Variants in SLC2A9 observed in about 807,000 individuals in gnomAD.
SLC2A9 encodes solute carrier family 2 member 9, also known as solute carrier family 2, facilitated glucose transporter member 9.
A neutral mutation model predicts 50.6 loss-of-function variants in SLC2A9; 39 were observed. The ratio of observed to expected loss-of-function variants is 0.77; its 90% CI spans 0.60 to 1.01. The LOEUF is 1.01. SLC2A9 is among the 50% of genes least tolerant of loss of function. The pLI, the probability that SLC2A9 is intolerant of heterozygous loss-of-function variation, is 0.00. For missense variants in SLC2A9, 686 were observed against 677.6 expected (o/e 1.01, Z -0.14); for synonymous variants, 324 against 276.9 (o/e 1.17, Z -1.69).
At chr4:9,928,670 G>C (rs2110145647) in intron 6 of SLC2A9, among the ~76,000 whole-genome samples, 1 of 152,298 alleles carries the variant, frequency 6.6e-6, no homozygotes, top group Non-Finnish European at 1.5e-5. Flanking sequence ...GGAGGTGGAG[G>C]TTGCAGTGAG....
At chr4:9,898,587 C>T (rs1739009128) in intron 8 of SLC2A9, among the ~76,000 whole-genome samples, 1 of 152,244 alleles carries the variant, frequency 6.6e-6, no homozygotes, top group South Asian at 2.1e-4. Context: ...TTCCCTGTGC[C>T]AGGGTGAGCC....
intron 4 of SLC2A9, 121 bp from the exon 5 acceptor site, chr4:9,980,858 C>T: frequency 7.6e-7 from 1 of 1,308,208 alleles, no homozygotes; most frequent in Non-Finnish European, 1.1e-6. Context: ...GTAGCCACGG[C>T]ATTTTTCCCA....
intron 3 of SLC2A9, among the ~76,000 whole-genome samples, chr4:9,987,989 C>G (rs781537458): frequency 3.3e-5 from 5 of 152,214 alleles, no homozygotes; most frequent in Non-Finnish European, 4.4e-5. Context: ...GCGTTTCCCC[C>G]CTGGGGGAGA....
rs188661787 is a variant in SLC2A9, at chr4:9,952,902, G to A, written c.682-10857C>T. ...CAGAGCTGTTTTGGAAGAGATTTCT[G>A]CATTCCAGAAGCGGTCGGGTCATTT... is the stretch of plus-strand genomic sequence containing the variant. On this transcript the variant is annotated intron_variant, in intron 5 of 11. Transcript: ENST00000264784. Among the ~76,000 whole-genome samples the A allele has an allele frequency of 3.0e-4, 45 of 152,286 alleles. No homozygotes were observed. The East Asian group carries it at 8.3e-3, about 28-fold the overall frequency.
At chr4:9,955,656 A>C (rs935135279) in intron 5 of SLC2A9, among the ~76,000 whole-genome samples, 1 of 151,996 alleles carries the variant, frequency 6.6e-6, no homozygotes, top group Non-Finnish European at 1.5e-5. Context: ...CTCTTGCCTC[A>C]GTCTCTCCCT....
chr4:9,859,513 G>T (rs1416060729), intron 10 of SLC2A9, among the ~76,000 whole-genome samples: 1 of 152,214 alleles, frequency 6.6e-6, no homozygotes, highest in South Asian at 2.1e-4. Context: ...TTGATAAATG[G>T]TTTTTCTCCT....
chr4:9,913,126 T>A (rs1273836793), intron 7 of SLC2A9, among the ~76,000 whole-genome samples: 4 of 152,206 alleles, frequency 2.6e-5, no homozygotes, highest in African/African-American at 9.7e-5. Flanking sequence ...TTTTAGGACT[T>A]CTGGCCTCCA....
intron 10 of SLC2A9, among the ~76,000 whole-genome samples, chr4:9,864,236 CT>C (rs1732093708): frequency 6.6e-6 from 1 of 151,194 alleles, no homozygotes; most frequent in African/African-American, 2.5e-5. Flanking sequence ...AAAACAACCC[CT>C]GGCACATCCA....
At chr4:9,805,276 CAGA>C (rs1363337868) in intron 3 of SLC2A9, among the ~76,000 whole-genome samples, 9 of 152,224 alleles carry the variant, frequency 5.9e-5, no homozygotes, top group Non-Finnish European at 1.0e-4. Context: ...GATTTCATAG[CAGA>C]AGGACCACAG....
chr4:9,986,302 C>T (rs1397905605), intron 3 of SLC2A9, among the ~76,000 whole-genome samples: 2 of 152,182 alleles, frequency 1.3e-5, no homozygotes, highest in Non-Finnish European at 2.9e-5. Flanking sequence ...GGGCACTGTC[C>T]ACTGGACTGT....
At chr4:9,958,191 T>C (rs79937424) in intron 5 of SLC2A9, among the ~76,000 whole-genome samples, 2,263 of 152,338 alleles carry the variant, frequency 0.015, 69 homozygotes, top group African/African-American at 0.051. Flanking sequence ...CTACTGGGTA[T>C]AAGTATAGAA....
chr4:9,777,044 C>T (rs1202903889), downstream of SLC2A9, among the ~76,000 whole-genome samples: 3 of 152,236 alleles, frequency 2.0e-5, no homozygotes, highest in Non-Finnish European at 4.4e-5. Context: ...AATCCAGCTA[C>T]TCCCTCTTTT....
intron 1 of SLC2A9, chr4:10,019,322 T>C (rs1049531120): frequency 9.0e-6 from 5 of 558,288 alleles, no homozygotes; most frequent in Non-Finnish European, 1.6e-5. Flanking sequence ...CCGGGTTGCG[T>C]GAGGATTCCT....
Position 9,996,982 on chromosome 4 carries a change from C to T in SLC2A9, c.250-41G>A, listed in dbSNP as rs764150791. On this transcript the variant is annotated intron_variant, in intron 2 of 11. Coordinates refer to ENST00000264784, the MANE Select transcript of SLC2A9 (RefSeq NM_020041.3). ...AAACCATGTTATTTCCTTCTGTTCT[C>T]TCCTGCTGCTTGAAGCAAGCCAGTG... 59 of 1,608,772 alleles carry T rather than the reference C, an allele frequency of 3.7e-5. No homozygotes were observed. In the Middle Eastern group the frequency reaches 5.0e-4, roughly 14 times the overall value.
intron 4 of SLC2A9, among the ~76,000 whole-genome samples, chr4:9,980,974 T>TG (rs1755651062): frequency 6.6e-6 from 1 of 152,092 alleles, no homozygotes; most frequent in South Asian, 2.1e-4. Flanking sequence ...ATGGTGTTGG[T>TG]GGAGGTGATG....
intron 6 of SLC2A9, among the ~76,000 whole-genome samples, chr4:9,937,818 T>A (rs969130844): frequency 7.9e-5 from 12 of 152,140 alleles, no homozygotes; most frequent in Non-Finnish European, 1.8e-4. Flanking sequence ...TGTTGGTGGG[T>A]GTGTTTGGTG....
At chr4:9,986,776 T>C (rs747424082) in intron 3 of SLC2A9, among the ~76,000 whole-genome samples, 1 of 152,232 alleles carries the variant, frequency 6.6e-6, no homozygotes, top group Non-Finnish European at 1.5e-5. Flanking sequence ...AACAGCTCTG[T>C]GTCAGGACTG....
intron 2 of SLC2A9, among the ~76,000 whole-genome samples, chr4:10,018,578 A>G (rs1423797745): frequency 6.6e-6 from 1 of 151,640 alleles, no homozygotes; most frequent in African/African-American, 2.4e-5. Flanking sequence ...ATAGATAGAT[A>G]GATAGATAGA....
chr4:9,803,420 A>G (rs1721723639), intron 3 of SLC2A9, among the ~76,000 whole-genome samples: 2 of 152,362 alleles, frequency 1.3e-5, no homozygotes, highest in Admixed American at 6.5e-5. Context: ...TCCTCACATC[A>G]ATGCTTAACA....
Sources: gnomAD v4.1 joint callset for allele counts (sites outside exome capture counted in the v4.1 genomes callset) on GRCh38, gnomAD v4.1.1 for gene constraint, MANE v1.5 for transcripts, NCBI Gene and HGNC (gene_info 2026-07-23, HGNC 2026-07-21) for gene names.